SLC16A14: variants seen among roughly 807,000 people sequenced by gnomAD.
SLC16A14 encodes solute carrier family 16 member 14, also known as monocarboxylate transporter 14.
SLC16A14 carries 14 observed loss-of-function variants against 35.8 expected under a neutral mutation model. That is an observed-to-expected ratio of 0.39 (90% CI 0.26 to 0.61). The LOEUF is 0.61. Ranked by LOEUF, SLC16A14 falls within the 20% of genes least tolerant of loss-of-function variation. The probability of loss-of-function intolerance (pLI) is 0.51; values close to 1 mark genes in which losing one functional copy is unlikely to be tolerated. For missense variants in SLC16A14, 533 were observed against 655.0 expected (o/e 0.81, Z 2.03); for synonymous variants, 248 against 258.9 (o/e 0.96, Z 0.40).
chr2:230,057,146 T>C (rs973519546), intron 2 of SLC16A14, among the ~76,000 whole-genome samples: 3 of 152,152 alleles, frequency 2.0e-5, no homozygotes, highest in African/African-American at 7.2e-5. Flanking sequence ...GTGAAACAAC[T>C]GAAAAACGTC....
Position 230,046,291 on chromosome 2 carries a change from C to T in SLC16A14, c.835G>A (p.Ala279Thr). Reference sequence around the variant, plus strand: ...CTGACAGTCTTCAGAATCCGGAGGGCACACATGTTCTTCCTGTGCCCGGCC... The same window carrying T: ...CTGACAGTCTTCAGAATCCGGAGGGTACACATGTTCTTCCTGTGCCCGGCC... Reference protein sequence around the residue: ...DQAGHRKNMCALRILKTVSWL... With the variant: ...DQAGHRKNMCTLRILKTVSWL... The change falls in exon 4 of 5, where the codon GCC becomes ACC. Residue 279 changes from alanine (A) to threonine (T), a missense_variant. Coordinates refer to ENST00000295190, the MANE Select transcript of SLC16A14 (RefSeq NM_152527.5). The surrounding 1 kb of genome is among the most constrained non-coding windows in gnomAD (Gnocchi z 5.0). 1 of 1,614,198 alleles carries T rather than the reference C, an allele frequency of 6.2e-7. No homozygotes were observed. Among genetic ancestry groups the T allele is most frequent in the Non-Finnish European group, 8.5e-7 (1 of 1,180,028 alleles).
At chr2:230,059,782 A>C (rs114972895) in intron 1 of SLC16A14, among the ~76,000 whole-genome samples, 1,648 of 152,340 alleles carry the variant, frequency 0.011, 34 homozygotes, top group African/African-American at 0.037. Flanking sequence ...ATCTGGCTTC[A>C]GGCAGCCTTT....
At chr2:230,057,487 A>C (rs1223571297) in intron 2 of SLC16A14, among the ~76,000 whole-genome samples, 1 of 152,170 alleles carries the variant, frequency 6.6e-6, no homozygotes, top group African/African-American at 2.4e-5. Flanking sequence ...AAGAAAATGC[A>C]GCCAGATGCA....
At chr2:230,061,606 C>T (rs1394392569) in intron 1 of SLC16A14, among the ~76,000 whole-genome samples, 1 of 152,174 alleles carries the variant, frequency 6.6e-6, no homozygotes, top group Admixed American at 6.5e-5. Flanking sequence ...ACTTGTGTCA[C>T]TCTATGTACT....
At chr2:230,067,112 C>T (rs1025623979) in intron 1 of SLC16A14, 1 of 159,500 alleles carries the variant, frequency 6.3e-6, no homozygotes, top group African/African-American at 2.4e-5. Flanking sequence ...TAATTCTGCT[C>T]TGCAGGCGCT....
At chr2:230,041,070 T>C (rs2077556864) in intron 4 of SLC16A14, among the ~76,000 whole-genome samples, 1 of 152,206 alleles carries the variant, frequency 6.6e-6, no homozygotes, top group Non-Finnish European at 1.5e-5. Flanking sequence ...ACCTACAGCT[T>C]CAAAGTAAAA....
chr2:230,062,382 T>C (rs1382483727), intron 1 of SLC16A14, among the ~76,000 whole-genome samples: 4 of 147,398 alleles, frequency 2.7e-5, no homozygotes. Context: ...AGGGTCTTGC[T>C]CTGTCACCCA....
Position 230,038,848 on chromosome 2 carries a change from A to C in SLC16A14, c.1382-1317T>G, listed in dbSNP as rs1218268579. On this transcript the variant is annotated intron_variant, in intron 4 of 4. Transcript: ENST00000295190. This position sits in a 1 kb window ranked among gnomAD's most constrained non-coding sequence, Gnocchi z 4.4. ...CTGGAACCCAGGAGGCAGAGGTTGC[A>C]GTGAGCTGAGATCGTGCCACCGCAC... Among the ~76,000 whole-genome samples the C allele has an allele frequency of 3.9e-5, 6 of 152,192 alleles. No individual in the cohort carries two copies. Among genetic ancestry groups the C allele is most frequent in the Admixed American group, 3.9e-4 (6 of 15,270 alleles).
Position 230,036,027 on chromosome 2 carries a change from A to G in SLC16A14, c.*1353T>C, listed in dbSNP as rs2077516299. ...GAATGGGCTGTATTCACTTTAGGTA[A>G]ATTTGACCTAAGACACTGGCAATGA... On this transcript the variant is annotated 3_prime_UTR_variant, in exon 5 of 5. Coordinates refer to ENST00000295190, the MANE Select transcript of SLC16A14 (RefSeq NM_152527.5). 1 of 152,548 alleles carries G rather than the reference A, an allele frequency of 6.6e-6. No homozygotes were observed. Among genetic ancestry groups the G allele is most frequent in the Non-Finnish European group, 1.5e-5 (1 of 68,012 alleles). 9.4% of individuals were successfully genotyped at this position (152,548 alleles called of 1,614,324 possible). A position where few individuals can be genotyped will look rare whatever the true frequency, so the allele number is the denominator to read the frequency against.
chr2:230,045,055 A>C (rs972699740), intron 4 of SLC16A14, among the ~76,000 whole-genome samples: 1 of 152,176 alleles, frequency 6.6e-6, no homozygotes, highest in African/African-American at 2.4e-5. Context: ...CTTGGGGGGA[A>C]ACAACAACAG....
In SLC16A14 at chr2:230,046,640, G is replaced by C. The variant is rs566471519; in HGVS notation, c.486C>G (p.Gly162=). 8 of 1,610,190 alleles carry C rather than the reference G, an allele frequency of 5.0e-6. No individual in the cohort carries two copies. The African/African-American group carries it at 9.3e-5, about 19-fold the overall frequency. The change falls in exon 4 of 5, where the codon GGC becomes GGG. Residue 162 remains glycine, a synonymous_variant. Coordinates refer to ENST00000295190, the MANE Select transcript of SLC16A14 (RefSeq NM_152527.5). The surrounding 1 kb of genome is among the most constrained non-coding windows in gnomAD (Gnocchi z 5.0). The stretch of plus-strand genomic sequence containing the variant: ...CGAATCCGGTCCCCGTGGTGCTGAG[G>C]CCCTGGGCGAGGGCGCGTCTCTTCT... ...YFQKRRALAQ[G]LSTTGTGFGT...
At position 230,037,581 on chromosome 2, in the gene SLC16A14, A is replaced by C. The variant is rs745541605; in HGVS notation, c.1382-50T>G. On this transcript the variant is annotated intron_variant, in intron 4 of 4. Coordinates refer to ENST00000295190, the MANE Select transcript of SLC16A14 (RefSeq NM_152527.5). ...CAGTGTCATGGAGTTGATACAATGA[A>C]AGTGAAGAACATGAAGCAGGCATTT... The C allele has an allele frequency of 5.5e-6, 8 of 1,454,744 alleles. No individual in the cohort carries two copies. In the East Asian group the frequency reaches 2.0e-4, roughly 36 times the overall value. 90.1% of individuals were successfully genotyped at this position (1,454,744 alleles called of 1,614,324 possible). A position where few individuals can be genotyped will look rare whatever the true frequency, so the allele number is the denominator to read the frequency against.
chr2:230,057,775 C>T (rs112653224), intron 2 of SLC16A14, among the ~76,000 whole-genome samples: 4,938 of 152,064 alleles, frequency 0.032, 280 homozygotes, highest in African/African-American at 0.11. Context: ...GCCTGTAATC[C>T]CAGCAATTTG....
chr2:230,055,260 G>A (rs4973251), intron 2 of SLC16A14, among the ~76,000 whole-genome samples: 74,403 of 152,000 alleles, frequency 0.49, 18,602 homozygotes, highest in East Asian at 0.57. Flanking sequence ...CATGCAGTGC[G>A]TGCTAAATAA....
intron 4 of SLC16A14, among the ~76,000 whole-genome samples, chr2:230,044,905 A>G (rs1414940744): frequency 6.6e-6 from 1 of 151,946 alleles, no homozygotes; most frequent in Non-Finnish European, 1.5e-5. Flanking sequence ...AGCCACCATA[A>G]GTTTCTGGCA....
Position 230,042,757 on chromosome 2 carries a change from C to T in SLC16A14, c.1381+2988G>A, listed in dbSNP as rs370951408. On this transcript the variant is annotated intron_variant, in intron 4 of 4. Coordinates refer to ENST00000295190, the MANE Select transcript of SLC16A14 (RefSeq NM_152527.5). Reference sequence around the variant, plus strand: ...ACAGAGGCTGGAAAGCAAAATACTGCATTCACAGCTCCCCTTGAAGCTTGA... The same window carrying T: ...ACAGAGGCTGGAAAGCAAAATACTGTATTCACAGCTCCCCTTGAAGCTTGA... Among the ~76,000 whole-genome samples the T allele has an allele frequency of 4.6e-5, 7 of 152,220 alleles. No homozygotes were observed. In the East Asian group the frequency reaches 1.3e-3, roughly 29 times the overall value.
chr2:230,051,019 G>C (rs1436467036), intron 2 of SLC16A14, among the ~76,000 whole-genome samples: 1 of 152,212 alleles, frequency 6.6e-6, no homozygotes, highest in Non-Finnish European at 1.5e-5. Flanking sequence ...GGTGTGCACA[G>C]TCTCTGACCA....
intron 3 of SLC16A14, among the ~76,000 whole-genome samples, chr2:230,049,236 A>ATTT (rs11420320): frequency 0.21 from 29,617 of 141,364 alleles, 3,852 homozygotes; most frequent in South Asian, 0.32. Context: ...CACTTGGCTA[A>ATTT]TTTTTTTTTT....
rs561259514 is a variant in SLC16A14, at chr2:230,046,334, G to A, written c.792C>T (p.Ala264=). 2.7e-5 allele frequency: 44 copies of A among 1,614,130 alleles called. No individual in the cohort carries two copies. Among genetic ancestry groups the A allele is most frequent in the African/African-American group, 5.3e-5 (4 of 75,042 alleles). ...GCCCGGCCTGATCGGGGCACTCCTG[G>A]GCTTGCAGGTCGCAGAGGGTCTCCT... ...GNEETLCDLQ[A]QECPDQAGHR... is the part of the protein sequence containing the mutation. The change falls in exon 4 of 5, where the codon GCC becomes GCT. Residue 264 remains alanine (A), a synonymous_variant. Coordinates refer to ENST00000295190, the MANE Select transcript of SLC16A14 (RefSeq NM_152527.5). This position sits in a 1 kb window ranked among gnomAD's most constrained non-coding sequence, Gnocchi z 5.0.
Sources: gnomAD v4.1 joint callset for allele counts (sites outside exome capture counted in the v4.1 genomes callset) on GRCh38, gnomAD v4.1.1 for gene constraint, Gnocchi (gnomAD v3.1) non-coding constraint, MANE v1.5 for transcripts, NCBI Gene and HGNC (gene_info 2026-07-23, HGNC 2026-07-21) for gene names.